The following SYT1 variants were observed in gnomAD, a reference collection of about 807,000 sequenced individuals.
SYT1 encodes synaptotagmin 1, also known as synaptotagmin-1.
SYT1 carries 8 observed loss-of-function variants against 44.8 expected under a neutral mutation model. That is an observed-to-expected ratio of 0.18 (90% CI 0.10 to 0.32). The LOEUF (loss-of-function observed/expected upper bound fraction) is 0.32, where lower values mean the gene tolerates loss of function less well. Ranked by LOEUF, SYT1 falls within the 10% of genes least tolerant of loss-of-function variation. The pLI, the probability that SYT1 is intolerant of heterozygous loss-of-function variation, is 1.00. For missense variants in SYT1, 286 were observed against 509.3 expected, an observed-to-expected ratio of 0.56 and a Z score of 4.22; for synonymous variants, 154 against 188.8, an observed-to-expected ratio of 0.82 and a Z score of 1.51.
At chr12:79,161,341 G>A (rs1413176746) in intron 3 of SYT1, among the ~76,000 whole-genome samples, 1 of 152,076 alleles carries the variant, frequency 6.6e-6, no homozygotes, top group Non-Finnish European at 1.5e-5. Flanking sequence ...GTTTTGCCTA[G>A]AGTATTCAGT....
chr12:79,092,681 T>C (rs1246701574), intron 3 of SYT1, among the ~76,000 whole-genome samples: 1 of 151,750 alleles, frequency 6.6e-6, no homozygotes, highest in Non-Finnish European at 1.5e-5. Flanking sequence ...TCGGAATTCT[T>C]ACCCAGTCAA....
intron 3 of SYT1, among the ~76,000 whole-genome samples, chr12:79,094,885 T>C (rs2138020299): frequency 6.6e-6 from 1 of 151,938 alleles, no homozygotes; most frequent in South Asian, 2.1e-4. Context: ...TGTCTAAAGT[T>C]AGAGCAAAAA....
chr12:79,053,047 C>T (rs919725609), intron 3 of SYT1, among the ~76,000 whole-genome samples: 7 of 152,108 alleles, frequency 4.6e-5, no homozygotes, highest in Admixed American at 3.3e-4. Flanking sequence ...GCTATAAAGA[C>T]ATGTGCACAT....
At chr12:79,322,098 A>G (rs931625692) in intron 8 of SYT1, among the ~76,000 whole-genome samples, 2 of 152,158 alleles carry the variant, frequency 1.3e-5, no homozygotes, top group African/African-American at 2.4e-5. Context: ...CCCTAAGAAA[A>G]TGATTCATTC....
chr12:79,194,357 T>C (rs1489900982), intron 3 of SYT1, among the ~76,000 whole-genome samples: 1 of 152,126 alleles, frequency 6.6e-6, no homozygotes, highest in Non-Finnish European at 1.5e-5. Flanking sequence ...GCAGTGGGTC[T>C]CAAAGACAAG....
chr12:79,212,761 G>T (rs1874538300), intron 3 of SYT1, among the ~76,000 whole-genome samples: 1 of 152,106 alleles, frequency 6.6e-6, no homozygotes, highest in African/African-American at 2.4e-5. Context: ...TACTTCTTCA[G>T]TACTGATTTA....
intron 1 of SYT1, among the ~76,000 whole-genome samples, chr12:78,931,753 T>G (rs1436297775): frequency 6.6e-6 from 1 of 152,124 alleles, no homozygotes; most frequent in African/African-American, 2.4e-5. Context: ...ATGAGCCAAT[T>G]TATTTGATGC....
At chr12:79,285,719 C>T in intron 4 of SYT1, 68 bp from the exon 5 acceptor site, 6 of 1,196,478 alleles carry the variant, frequency 5.0e-6, no homozygotes, top group Non-Finnish European at 7.1e-6. Flanking sequence ...ATCTTTATAG[C>T]CCATGAGTTA....
intron 1 of SYT1, among the ~76,000 whole-genome samples, chr12:78,911,549 G>C (rs1269529415): frequency 6.6e-6 from 1 of 151,472 alleles, no homozygotes. Context: ...GTTTAAGAGT[G>C]AGAGAAGATG....
intron 8 of SYT1, among the ~76,000 whole-genome samples, chr12:79,343,135 T>C (rs1382830975): frequency 6.6e-6 from 1 of 152,186 alleles, no homozygotes. Flanking sequence ...TGAAAGTTCA[T>C]GGAAATGAGA....
intron 1 of SYT1, among the ~76,000 whole-genome samples, chr12:78,951,078 A>T (rs1395516053): frequency 6.6e-6 from 1 of 152,156 alleles, no homozygotes; most frequent in African/African-American, 2.4e-5. Context: ...TACATAAATG[A>T]ACGTATGTAT....
chr12:79,319,749 T>TA (rs1881265689), intron 8 of SYT1, among the ~76,000 whole-genome samples: 1 of 152,220 alleles, frequency 6.6e-6, no homozygotes, highest in Non-Finnish European at 1.5e-5. Flanking sequence ...AAATCTCATA[T>TA]AAAATTCACA....
At chr12:79,401,225 G>C (rs1279488350) in intron 9 of SYT1, among the ~76,000 whole-genome samples, 1 of 151,960 alleles carries the variant, frequency 6.6e-6, no homozygotes, top group Non-Finnish European at 1.5e-5. Context: ...CAAACATACC[G>C]AATATCAAGA....
At chr12:78,998,826 T>C (rs887334846) in intron 2 of SYT1, among the ~76,000 whole-genome samples, 3 of 152,190 alleles carry the variant, frequency 2.0e-5, no homozygotes, top group Non-Finnish European at 2.9e-5. Context: ...GCACATCTTC[T>C]TTCACACAAT....
At chr12:79,281,860 C>T (rs1157701246) in intron 4 of SYT1, among the ~76,000 whole-genome samples, 2 of 152,084 alleles carry the variant, frequency 1.3e-5, no homozygotes, top group African/African-American at 4.8e-5. Context: ...TATTATTTTC[C>T]CATTCTGGAG....
chr12:79,437,660 A>G (rs557115726), intron 9 of SYT1, among the ~76,000 whole-genome samples: 1 of 152,270 alleles, frequency 6.6e-6, no homozygotes, highest in South Asian at 2.1e-4. Flanking sequence ...CTCCAAGTTT[A>G]CTTTATATTA....
intron 8 of SYT1, among the ~76,000 whole-genome samples, chr12:79,308,564 GAA>G (rs1565901249): frequency 7.6e-6 from 1 of 131,406 alleles, no homozygotes; most frequent in African/African-American, 3.0e-5. Flanking sequence ...AGAAAGAAAG[GAA>G]AAGAAAGAAA....
chr12:79,132,308 G>C (rs545710435), intron 3 of SYT1, among the ~76,000 whole-genome samples: 2 of 152,068 alleles, frequency 1.3e-5, no homozygotes, highest in African/African-American at 4.8e-5. Flanking sequence ...AATTAGCCTG[G>C]TATGGTGGCA....
At chr12:79,171,725 ATGGG>A (rs1871536126) in intron 3 of SYT1, among the ~76,000 whole-genome samples, 1 of 151,950 alleles carries the variant, frequency 6.6e-6, no homozygotes, top group South Asian at 2.1e-4. Flanking sequence ...GTTGGACCAC[ATGGG>A]TTTAGATCTT....
Sources: allele counts gnomAD v4.1 joint callset (sites outside exome capture counted in the v4.1 genomes callset), GRCh38; gene constraint gnomAD v4.1.1; transcripts MANE v1.5; gene names NCBI Gene and HGNC (gene_info 2026-07-23, HGNC 2026-07-21).